Variants in CDH13 observed in about 807,000 individuals in gnomAD.
CDH13 encodes the protein cadherin-13.
CDH13 carries 24 observed loss-of-function variants against 63.8 expected under a neutral mutation model. The ratio of observed to expected loss-of-function variants is 0.38; its 90% confidence interval spans 0.27 to 0.53. The LOEUF is 0.53. Among genes scored for constraint, CDH13 ranks in the 20% least tolerant of loss-of-function variants. CDH13 has a pLI of 0.85. For missense variants in CDH13, 1,049 were observed against 903.1 expected (o/e 1.16, Z -2.07); for synonymous variants, 503 against 355.3 (o/e 1.42, Z -4.67).
rs182584717 is a variant in CDH13, at chr16:83,111,899, G to A, written c.367-13486G>A. 8.2e-3 allele frequency among the ~76,000 whole-genome samples: 1,245 copies of A among 152,196 alleles called. 19 individuals are homozygous for A. The highest frequency in any genetic ancestry group is 0.028 in the African/African-American group (1,170 of 41,514). On this transcript the variant is annotated intron_variant, in intron 3 of 13. Transcript: ENST00000567109. ...ATGAAGCATTCAGTCTTGTTTTCCT[G>A]GATCTCATGCATGTTAAATACATAT...
intron 2 of CDH13, among the ~76,000 whole-genome samples, chr16:83,015,847 G>T (rs973520551): frequency 6.6e-6 from 1 of 151,214 alleles, no homozygotes; most frequent in African/African-American, 2.4e-5. Context: ...TCCCATGTAA[G>T]AATTATTCAA....
At chr16:83,357,512 C>T (rs1026433265) in intron 6 of CDH13, among the ~76,000 whole-genome samples, 4 of 152,200 alleles carry the variant, frequency 2.6e-5, no homozygotes, top group African/African-American at 7.2e-5. Flanking sequence ...GAGACTACTA[C>T]TGCTGGCAGA....
At chr16:83,269,426 C>T (rs952529097) in intron 5 of CDH13, among the ~76,000 whole-genome samples, 2 of 148,006 alleles carry the variant, frequency 1.4e-5, no homozygotes, top group African/African-American at 5.3e-5. Flanking sequence ...AACTATCCCA[C>T]ATCATCTATT....
At chr16:82,677,748 C>T (rs1393945016) in intron 1 of CDH13, among the ~76,000 whole-genome samples, 2 of 152,200 alleles carry the variant, frequency 1.3e-5, no homozygotes, top group African/African-American at 4.8e-5. Flanking sequence ...TATACTAACA[C>T]AAATGTTTTC....
At chr16:83,324,219 T>C (rs1171468611) in intron 5 of CDH13, among the ~76,000 whole-genome samples, 1 of 152,120 alleles carries the variant, frequency 6.6e-6, no homozygotes, top group Admixed American at 6.5e-5. Flanking sequence ...GTGTTTTCAA[T>C]AGAGACAGGG....
At chr16:83,155,956 G>A (rs550145215) in intron 4 of CDH13, among the ~76,000 whole-genome samples, 63 of 152,286 alleles carry the variant, frequency 4.1e-4, no homozygotes, top group African/African-American at 1.4e-3. Context: ...GGGAGGACCT[G>A]GTCATCAGCA....
At chr16:82,892,858 C>T (rs188360556) in intron 2 of CDH13, among the ~76,000 whole-genome samples, 1 of 151,998 alleles carries the variant, frequency 6.6e-6, no homozygotes, top group East Asian at 1.9e-4. Flanking sequence ...TGGCATTTTA[C>T]AGTAGTGTCA....
intron 2 of CDH13, among the ~76,000 whole-genome samples, chr16:82,952,760 C>G (rs962523783): frequency 6.6e-6 from 1 of 152,206 alleles, no homozygotes; most frequent in Non-Finnish European, 1.5e-5. Context: ...CCACCATTCT[C>G]TACTCTCTGG....
intron 1 of CDH13, among the ~76,000 whole-genome samples, chr16:82,711,459 G>A (rs1401212800): frequency 1.3e-5 from 2 of 152,132 alleles, no homozygotes; most frequent in Non-Finnish European, 2.9e-5. Flanking sequence ...GGCCCTTCAA[G>A]CATACTTCAT....
At chr16:83,062,169 T>C (rs1020137179) in intron 3 of CDH13, among the ~76,000 whole-genome samples, 2 of 152,192 alleles carry the variant, frequency 1.3e-5, no homozygotes, top group African/African-American at 4.8e-5. Flanking sequence ...GTCAAAGATC[T>C]TTCTCATTTT....
intron 7 of CDH13, among the ~76,000 whole-genome samples, chr16:83,574,845 A>G (rs1904962823): frequency 6.6e-6 from 1 of 152,194 alleles, no homozygotes; most frequent in African/African-American, 2.4e-5. Context: ...CATGAACTCC[A>G]GTTTTAAAAC....
intron 6 of CDH13, among the ~76,000 whole-genome samples, chr16:83,364,356 C>G (rs1157355931): frequency 6.6e-6 from 1 of 152,148 alleles, no homozygotes; most frequent in Non-Finnish European, 1.5e-5. Context: ...TGTAACTGTA[C>G]TGTGCAAGAT....
intron 10 of CDH13, among the ~76,000 whole-genome samples, chr16:83,718,366 G>A (rs1909226812): frequency 6.6e-6 from 1 of 152,204 alleles, no homozygotes; most frequent in African/African-American, 2.4e-5. Flanking sequence ...GAATGAGTCA[G>A]AAAATAGTGA....
At chr16:82,839,219 G>A (rs1012521262) in intron 1 of CDH13, among the ~76,000 whole-genome samples, 3 of 152,168 alleles carry the variant, frequency 2.0e-5, no homozygotes, top group African/African-American at 7.2e-5. Flanking sequence ...TTCTTCTCAG[G>A]GAGCCCCCTC....
At chr16:83,367,010 A>G (rs1010837555) in intron 6 of CDH13, among the ~76,000 whole-genome samples, 1 of 152,180 alleles carries the variant, frequency 6.6e-6, no homozygotes, top group Non-Finnish European at 1.5e-5. Flanking sequence ...TTTAAAGTAT[A>G]TAATTCAATG....
intron 11 of CDH13, among the ~76,000 whole-genome samples, chr16:83,773,412 C>A (rs748713936): frequency 6.6e-6 from 1 of 152,168 alleles, no homozygotes; most frequent in Non-Finnish European, 1.5e-5. Context: ...AACTTACAAT[C>A]ATGGTGGAAG....
chr16:83,370,096 T>C (rs1301075155), intron 6 of CDH13, among the ~76,000 whole-genome samples: 3 of 152,170 alleles, frequency 2.0e-5, no homozygotes, highest in African/African-American at 7.2e-5. Flanking sequence ...ATTAAAACTT[T>C]CATATCGTTG....
intron 7 of CDH13, among the ~76,000 whole-genome samples, chr16:83,589,493 G>T (rs1403730797): frequency 6.6e-6 from 1 of 151,632 alleles, no homozygotes; most frequent in African/African-American, 2.4e-5. Context: ...TTCCAGGGTG[G>T]TCTCCCCATT....
At chr16:83,440,784 C>CAA (rs34731612) in intron 6 of CDH13, among the ~76,000 whole-genome samples, 59 of 123,548 alleles carry the variant, frequency 4.8e-4, no homozygotes, top group Admixed American at 7.3e-4. Flanking sequence ...GACTTCATCT[C>CAA]AAAAAAAAAA....
Sources: gnomAD v4.1 joint callset for allele counts (sites outside exome capture counted in the v4.1 genomes callset) on GRCh38, gnomAD v4.1.1 for gene constraint, MANE v1.5 for transcripts, NCBI Gene and HGNC (gene_info 2026-07-23, HGNC 2026-07-21) for gene names.